Variants in MKRN3 observed in about 807,000 individuals in gnomAD.
The protein encoded by MKRN3 is E3 ubiquitin-protein ligase makorin-3.
For synonymous variants in MKRN3, 301 were observed against 250.2 expected, an observed-to-expected ratio of 1.20 and a Z score of -1.91; for missense variants, 749 against 667.0, an observed-to-expected ratio of 1.12 and a Z score of -1.35.
Position 23,567,314 on chromosome 15 carries a change from C to CTG in MKRN3, c.*11_*12dup. ...TTCAATTTGATTCTGTAGCATCGTG[C>CTG]TGTGGCATGTGGTCTAGTCTGCTGA... On this transcript the variant is annotated 3_prime_UTR_variant, in exon 1 of 1. Coordinates refer to ENST00000314520, the MANE Select transcript of MKRN3 (RefSeq NM_005664.4). The CTG allele has an allele frequency of 6.2e-7, 1 of 1,612,816 alleles. No homozygotes were observed. Among genetic ancestry groups the CTG allele is most frequent in the Non-Finnish European group, 8.5e-7 (1 of 1,179,242 alleles).
rs1004774700 is a variant in MKRN3, at chr15:23,567,418, T to G, written c.*112T>G. ...TCAGGGGCTGTTGAGGCAGTGCTTC[T>G]GTTTTCTTGTCTATTCTGCATATCT... On this transcript the variant is annotated 3_prime_UTR_variant, in exon 1 of 1. Coordinates refer to ENST00000314520, the MANE Select transcript of MKRN3 (RefSeq NM_005664.4). 1.1e-5 allele frequency: 17 copies of G among 1,514,540 alleles called. No individual in the cohort carries two copies. The African/African-American group carries it at 2.4e-4, about 21-fold the overall frequency. 93.8% of individuals were successfully genotyped at this position (1,514,540 alleles called of 1,614,324 possible). A position where few individuals can be genotyped will look rare whatever the true frequency, so the allele number is the denominator to read the frequency against.
chr15:23,566,134 T>A lies in MKRN3; in HGVS notation c.352T>A (p.Ser118Thr). The change falls in exon 1 of 1, where the codon TCG (serine) becomes ACG (threonine). Residue 118 changes from serine (S) to threonine (T), a missense_variant. Physicochemically the swap from Ser to Thr is moderately conservative, Grantham distance 58. Transcript: ENST00000314520. ...QCKEGENCRY[S>T]HDLSGRKMAT... ...CAAGGAGGGGGAGAACTGTCGCTAT[T>A]CGCACGACCTTTCTGGTCGGAAGAT... 6.2e-7 allele frequency: 1 copy of A among 1,614,150 alleles called. No homozygotes were observed. The highest frequency in any genetic ancestry group is 8.5e-7 in the Non-Finnish European group (1 of 1,180,032).
At position 23,567,535 on chromosome 15, in the gene MKRN3, C is replaced by T. The variant is rs528177482; in HGVS notation, c.*229C>T. The T allele has an allele frequency of 7.6e-5, 104 of 1,372,022 alleles. No individual in the cohort carries two copies. The African/African-American group carries it at 1.3e-3, about 18-fold the overall frequency. 85.0% of individuals were successfully genotyped at this position (1,372,022 alleles called of 1,614,324 possible). On this transcript the variant is annotated 3_prime_UTR_variant, in exon 1 of 1. Coordinates refer to ENST00000314520, the MANE Select transcript of MKRN3 (RefSeq NM_005664.4). ...AATTAATATTAATGTCAGCTTATGG[C>T]TTTTTTTTGTCATCTCTGTTGTCAA...
chr15:23,566,398 T>G lies in MKRN3; in HGVS notation c.616T>G (p.Phe206Val), dbSNP rs908461763. ...GVESWADAIE[F>V]VPGQPYRGRW... ...AGAAAGCTGGGCGGATGCCATTGAG[T>G]TTGTTCCAGGGCAGCCCTACCGGGG... Residue 206 changes from phenylalanine to valine, a missense_variant, in exon 1 of 1, where the codon TTT becomes GTT. Coordinates refer to ENST00000314520, the MANE Select transcript of MKRN3 (RefSeq NM_005664.4). 1 of 1,613,336 alleles carries G rather than the reference T, an allele frequency of 6.2e-7. No individual in the cohort carries two copies. The highest frequency in any genetic ancestry group is 1.3e-5 in the African/African-American group (1 of 74,778).
chr15:23,566,376 A>C lies in MKRN3; in HGVS notation c.594A>C (p.Glu198Asp), dbSNP rs150532529. Residue 198 changes from glutamate to aspartate, a missense_variant, in exon 1 of 1, where the codon GAA becomes GAC. By Grantham distance (45) the Glu-to-Asp change is conservative. Transcript: ENST00000314520. The stretch of plus-strand genomic sequence containing the variant: ...GAGCTGCTGGAGGAGCAGGTGTAGA[A>C]AGCTGGGCGGATGCCATTGAGTTTG... ...DRGAAGGAGVESWADAIEFVP... is the reference protein window; with the variant it reads ...DRGAAGGAGVDSWADAIEFVP... 1.2e-6 allele frequency: 2 copies of C among 1,613,442 alleles called. No homozygotes were observed. The highest frequency in any genetic ancestry group is 2.7e-5 in the African/African-American group (2 of 74,814).
At position 23,566,645 on chromosome 15, in the gene MKRN3, C is replaced by T. The variant is rs200327537; in HGVS notation, c.863C>T (p.Ala288Val). The T allele has an allele frequency of 2.5e-6, 4 of 1,614,156 alleles. No individual in the cohort carries two copies. Among genetic ancestry groups the T allele is most frequent in the Non-Finnish European group, 3.4e-6 (4 of 1,180,032 alleles). ...GCCCAGAGGGAAGAACATATGAGGGCCTGCATTGAAGCACACGAGAAAGAT... is the reference window on the plus strand; with the variant it reads ...GCCCAGAGGGAAGAACATATGAGGGTCTGCATTGAAGCACACGAGAAAGAT... ...DAAQREEHMR[A>V]CIEAHEKDME... The change falls in exon 1 of 1, where the codon GCC (alanine) becomes GTC (valine). Residue 288 changes from alanine to valine, a missense_variant. Ala to Val is a moderately conservative substitution (Grantham distance 64). Transcript: ENST00000314520.
rs146108146 is a variant in MKRN3, at chr15:23,566,263, C to T, written c.481C>T (p.Pro161Ser). The change falls in exon 1 of 1, where the codon CCG becomes TCG. Residue 161 changes from proline (P) to serine (S), a missense_variant. Transcript: ENST00000314520. ...PPTQEVAEAP[P>S]AASSLSLPVI... ...GACTCAGGAAGTGGCGGAAGCCCCC[C>T]CGGCTGCATCCTCCCTTTCCTTGCC... The T allele has an allele frequency of 4.1e-5, 66 of 1,613,970 alleles. No homozygotes were observed. In the African/African-American group the frequency reaches 5.6e-4, roughly 14 times the overall value.
rs143025262 is a variant in MKRN3 at position 23,566,931 on chromosome 15, G to C, written c.1149G>C (p.Glu383Asp). The C allele has an allele frequency of 3.1e-6, 5 of 1,614,226 alleles. No homozygotes were observed. The highest frequency in any genetic ancestry group is 4.2e-6 in the Non-Finnish European group (5 of 1,180,038). Reference protein sequence around the residue: ...PSEFWVEEEEEKQKLIQQYKE... With the variant: ...PSEFWVEEEEDKQKLIQQYKE... ...AGTTCTGGGTGGAGGAGGAGGAAGA[G>C]AAGCAGAAACTTATTCAGCAATACA... The change falls in exon 1 of 1, where the codon GAG (glutamate) becomes GAC (aspartate). Residue 383 changes from glutamate to aspartate, a missense_variant. Glu to Asp is a conservative substitution (Grantham distance 45, BLOSUM62 2). Coordinates refer to ENST00000314520, the MANE Select transcript of MKRN3 (RefSeq NM_005664.4).
chr15:23,567,920 ATATATG>A lies in MKRN3; in HGVS notation c.*619_*624del, dbSNP rs1454823357. 9 of 753,702 alleles carry A rather than the reference ATATATG, an allele frequency of 1.2e-5. No homozygotes were observed. The highest frequency in any genetic ancestry group is 1.5e-5 in the Non-Finnish European group (9 of 607,982). The allele number at this position is 753,702 out of a possible 1,614,324, so 46.7% of individuals were successfully genotyped here. ...ATTTAAGAATTATATATATAAAAATATATATGTATAAGAGTTATGTATTTGAAAAAA... is the reference window on the plus strand; with the variant it reads ...ATTTAAGAATTATATATATAAAAATATATAAGAGTTATGTATTTGAAAAAA... On this transcript the variant is annotated 3_prime_UTR_variant, in exon 1 of 1. Coordinates refer to ENST00000314520, the MANE Select transcript of MKRN3 (RefSeq NM_005664.4).
Position 23,567,535 on chromosome 15 carries a change from CTTT to C in MKRN3, c.*235_*237del. On this transcript the variant is annotated 3_prime_UTR_variant, in exon 1 of 1. Coordinates refer to ENST00000314520, the MANE Select transcript of MKRN3 (RefSeq NM_005664.4). Reference sequence around the variant, plus strand: ...AATTAATATTAATGTCAGCTTATGGCTTTTTTTTGTCATCTCTGTTGTCAACAG... The same window carrying C: ...AATTAATATTAATGTCAGCTTATGGCTTTTTGTCATCTCTGTTGTCAACAG... 1 of 1,372,022 alleles carries C rather than the reference CTTT, an allele frequency of 7.3e-7. No homozygotes were observed. The highest frequency in any genetic ancestry group is 9.4e-7 in the Non-Finnish European group (1 of 1,058,770). The allele number at this position is 1,372,022 out of a possible 1,614,324, so 85.0% of individuals were successfully genotyped here.
rs762360157 is a variant in MKRN3 at position 23,567,943 on chromosome 15, T to G, written c.*637T>G. On this transcript the variant is annotated 3_prime_UTR_variant, in exon 1 of 1. Transcript: ENST00000314520. ...ATATATATGTATAAGAGTTATGTAT[T>G]TGAAAAAAATATATAAAAGAATATA... 1.7e-4 allele frequency: 122 copies of G among 718,500 alleles called. No individual in the cohort carries two copies. The highest frequency in any genetic ancestry group is 2.0e-4 in the Non-Finnish European group (114 of 577,450). The allele number at this position is 718,500 out of a possible 1,614,324, so 44.5% of individuals were successfully genotyped here. A position where few individuals can be genotyped will look rare whatever the true frequency, so the allele number is the denominator to read the frequency against.
In MKRN3 at chr15:23,566,406, A is replaced by G; in HGVS notation, c.624A>G (p.Pro208=). The G allele has an allele frequency of 6.2e-7, 1 of 1,614,174 alleles. No individual in the cohort carries two copies. Among genetic ancestry groups the G allele is most frequent in the Non-Finnish European group, 8.5e-7 (1 of 1,180,024 alleles). The change falls in exon 1 of 1, where the codon CCA becomes CCG. Residue 208 remains proline (P), a synonymous_variant. Coordinates refer to ENST00000314520, the MANE Select transcript of MKRN3 (RefSeq NM_005664.4). ...GGGCGGATGCCATTGAGTTTGTTCC[A>G]GGGCAGCCCTACCGGGGCCGCTGGG... ...ESWADAIEFV[P]GQPYRGRWVA...
In MKRN3 at chr15:23,566,059, G is replaced by A. The variant is rs766655103; in HGVS notation, c.277G>A (p.Gly93Ser). The stretch of plus-strand genomic sequence containing the variant: ...CAGTCCGTTGCCAAGCCGAAGCAGC[G>A]GCATTTGGACAAAGCAGATCATCTG... Reference protein sequence around the residue: ...WPSPLPSRSSGIWTKQIICRY... With the variant: ...WPSPLPSRSSSIWTKQIICRY... The change falls in exon 1 of 1, where the codon GGC (glycine) becomes AGC (serine). Residue 93 changes from glycine (G) to serine (S), a missense_variant. By Grantham distance (56) the Gly-to-Ser change is moderately conservative (BLOSUM62 0). Coordinates refer to ENST00000314520, the MANE Select transcript of MKRN3 (RefSeq NM_005664.4). The A allele has an allele frequency of 1.9e-6, 3 of 1,614,156 alleles. No homozygotes were observed. The highest frequency in any genetic ancestry group is 2.5e-6 in the Non-Finnish European group (3 of 1,180,038).
chr15:23,567,168 G>A lies in MKRN3; in HGVS notation c.1386G>A (p.Lys462=). The stretch of plus-strand genomic sequence containing the variant: ...GCAACATGCTCTATAAAAGCATTAA[G>A]AAGGAGCTTGTCGTGCTTCGGCTGG... ...GEGNMLYKSI[K]KELVVLRLAS... Residue 462 remains lysine (K), a synonymous_variant, in exon 1 of 1, where the codon AAG becomes AAA. Coordinates refer to ENST00000314520, the MANE Select transcript of MKRN3 (RefSeq NM_005664.4). 1.2e-6 allele frequency: 2 copies of A among 1,614,206 alleles called. No homozygotes were observed.
rs373340208 is a variant in MKRN3, at chr15:23,566,364, A to T, written c.582A>T (p.Gly194=). ...RDNADRGAAG[G]AGVESWADAI... ...ATGCAGACCGTGGAGCTGCTGGAGG[A>T]GCAGGTGTAGAAAGCTGGGCGGATG... The change falls in exon 1 of 1, where the codon GGA becomes GGT. Residue 194 remains glycine, a synonymous_variant. Coordinates refer to ENST00000314520, the MANE Select transcript of MKRN3 (RefSeq NM_005664.4). The T allele has an allele frequency of 4.3e-6, 7 of 1,613,972 alleles. No individual in the cohort carries two copies. Among genetic ancestry groups the T allele is most frequent in the Non-Finnish European group, 5.9e-6 (7 of 1,180,022 alleles).
At position 23,566,238 on chromosome 15, in the gene MKRN3, G is replaced by C. The variant is rs536725835; in HGVS notation, c.456G>C (p.Pro152=). The C allele has an allele frequency of 3.1e-6, 5 of 1,613,692 alleles. No individual in the cohort carries two copies. In the African/African-American group the frequency reaches 6.7e-5, roughly 21 times the overall value. Residue 152 remains proline (P), a synonymous_variant, in exon 1 of 1, where the codon CCG becomes CCC. Coordinates refer to ENST00000314520, the MANE Select transcript of MKRN3 (RefSeq NM_005664.4). ...GCACGGCTGCGCACATCGAGCCCCC[G>C]ACTCAGGAAGTGGCGGAAGCCCCCC... The part of the protein sequence containing the change: ...GPSTAAHIEP[P]TQEVAEAPPA...
rs1200326281 is a variant in MKRN3 at position 23,567,806 on chromosome 15, T to G, written c.*500T>G. Reference sequence around the variant, plus strand: ...AAACTGTGATGAACTTGTGATTTTGTGTTTTACTTGACCAAAACCAAGTGT... The same window carrying G: ...AAACTGTGATGAACTTGTGATTTTGGGTTTTACTTGACCAAAACCAAGTGT... On this transcript the variant is annotated 3_prime_UTR_variant, in exon 1 of 1. Coordinates refer to ENST00000314520, the MANE Select transcript of MKRN3 (RefSeq NM_005664.4). 1 of 1,000,832 alleles carries G rather than the reference T, an allele frequency of 1.0e-6. No homozygotes were observed. The highest frequency in any genetic ancestry group is 1.2e-6 in the Non-Finnish European group (1 of 830,480). 62.0% of individuals were successfully genotyped at this position (1,000,832 alleles called of 1,614,324 possible).
rs1363608676 is a variant in MKRN3, at chr15:23,567,198, T to C, written c.1416T>C (p.Ser472=). Residue 472 remains serine, a synonymous_variant, in exon 1 of 1, where the codon AGT becomes AGC. Transcript: ENST00000314520. The stretch of plus-strand genomic sequence containing the variant: ...AGCTTGTCGTGCTTCGGCTGGCCAG[T>C]CTGTTGTTTAAGCGGTTTCTTTCAC... The part of the protein sequence containing the change: ...KKELVVLRLA[S]LLFKRFLSLR... 1 of 1,614,200 alleles carries C rather than the reference T, an allele frequency of 6.2e-7. No individual in the cohort carries two copies. The highest frequency in any genetic ancestry group is 1.7e-5 in the Admixed American group (1 of 60,034).
Position 23,566,241 on chromosome 15 carries a change from T to C in MKRN3, c.459T>C (p.Thr153=), listed in dbSNP as rs754708867. ...CGGCTGCGCACATCGAGCCCCCGAC[T>C]CAGGAAGTGGCGGAAGCCCCCCCGG... ...PSTAAHIEPP[T]QEVAEAPPAA... is the part of the protein sequence containing the mutation. The change falls in exon 1 of 1, where the codon ACT becomes ACC. Residue 153 remains threonine, a synonymous_variant. Transcript: ENST00000314520. 1.9e-6 allele frequency: 3 copies of C among 1,613,714 alleles called. No individual in the cohort carries two copies. In the South Asian group the frequency reaches 3.3e-5, roughly 18 times the overall value.
Sources: allele counts gnomAD v4.1 joint callset, GRCh38; gene constraint gnomAD v4.1.1; transcripts MANE v1.5; gene names NCBI Gene and HGNC (gene_info 2026-07-23, HGNC 2026-07-21).